FBXL17: variants seen among roughly 807,000 people sequenced by gnomAD.
FBXL17 encodes the protein F-box and leucine rich repeat protein 17, also known as F-box/LRR-repeat protein 17.
Under a neutral mutation model 66.2 loss-of-function variants are expected in FBXL17, and 22 were observed. The ratio of observed to expected loss-of-function variants is 0.33; its 90% CI spans 0.24 to 0.47. FBXL17 has a LOEUF of 0.47. Ranked by LOEUF, FBXL17 falls within the 20% of genes least tolerant of loss-of-function variation. The probability of loss-of-function intolerance (pLI) is 1.00; values close to 1 mark genes in which losing one functional copy is unlikely to be tolerated. For missense variants in FBXL17, 878 were observed against 948.2 expected, an observed-to-expected ratio of 0.93 and a Z score of 0.97; for synonymous variants, 474 against 400.5, an observed-to-expected ratio of 1.18 and a Z score of -2.19.
chr5:108,038,867 C>T (rs1044886148), intron 6 of FBXL17, among the ~76,000 whole-genome samples: 4 of 151,910 alleles, frequency 2.6e-5, no homozygotes, highest in Non-Finnish European at 5.9e-5. Flanking sequence ...CCATGATGTA[C>T]TGAAAACTGG....
chr5:108,377,948 A>C (rs902853714), intron 1 of FBXL17, among the ~76,000 whole-genome samples: 2 of 152,242 alleles, frequency 1.3e-5, no homozygotes, highest in African/African-American at 4.8e-5. Flanking sequence ...TATCTTTTAT[A>C]TAAAAGTGAT....
intron 6 of FBXL17, among the ~76,000 whole-genome samples, chr5:108,065,658 A>G (rs956826138): frequency 2.6e-5 from 4 of 152,176 alleles, no homozygotes; most frequent in East Asian, 1.9e-4. Flanking sequence ...CATCAGTCAC[A>G]TGGAGTATAC....
chr5:108,151,049 A>G (rs1338462967), intron 6 of FBXL17, among the ~76,000 whole-genome samples: 1 of 152,140 alleles, frequency 6.6e-6, no homozygotes, highest in Non-Finnish European at 1.5e-5. Context: ...TACTTAAGTA[A>G]TGGAACCATA....
In FBXL17 at chr5:108,025,727, GCACACACACA is replaced by G. The variant is rs34719664; in HGVS notation, c.1746-4736_1746-4727del. ...CAAACACACACACACACGCGCGCGC[GCACACACACA>G]CACACACACACACACACAGGCCCCA... On this transcript the variant is annotated intron_variant, in intron 6 of 8. Transcript: ENST00000542267. Among the ~76,000 whole-genome samples the G allele has an allele frequency of 8.5e-5, 12 of 141,248 alleles. No homozygotes were observed. In the East Asian group the frequency reaches 1.9e-3, roughly 22 times the overall value. 92.7% of individuals were successfully genotyped at this position (141,248 alleles called of 152,430 possible).
intron 7 of FBXL17, among the ~76,000 whole-genome samples, chr5:107,883,053 A>T (rs901717367): frequency 6.6e-6 from 1 of 152,098 alleles, no homozygotes; most frequent in Non-Finnish European, 1.5e-5. Flanking sequence ...TTAGAATGAA[A>T]CTTTTTTATT....
rs535747411 is a variant in FBXL17 at position 107,951,828 on chromosome 5, C to T, written c.1822+69097G>A. ...CAGTTTATTGCATCAAATACATTTT[C>T]ATAGATCAACAGTAGCAACAAAAAT... On this transcript the variant is annotated intron_variant, in intron 7 of 8. Transcript: ENST00000542267. Among the ~76,000 whole-genome samples, 98 of 152,292 alleles carry T rather than the reference C, an allele frequency of 6.4e-4. 2 individuals carry two copies. The South Asian group carries it at 0.02, about 31-fold the overall frequency.
intron 7 of FBXL17, among the ~76,000 whole-genome samples, chr5:107,949,147 C>T (rs1258434914): frequency 1.4e-5 from 2 of 144,458 alleles, no homozygotes; most frequent in East Asian, 2.0e-4. Context: ...GCTAAGAGCA[C>T]AGTGGCTTCC....
chr5:107,902,341 A>G (rs1414784680), intron 7 of FBXL17, among the ~76,000 whole-genome samples: 1 of 152,328 alleles, frequency 6.6e-6, no homozygotes, highest in East Asian at 1.9e-4. Flanking sequence ...CTCTGAAATG[A>G]TTTAATTTAT....
intron 6 of FBXL17, among the ~76,000 whole-genome samples, chr5:108,152,813 A>G (rs191024104): frequency 9.2e-5 from 14 of 152,360 alleles, no homozygotes; most frequent in African/African-American, 3.4e-4. Context: ...TGCATGAGAT[A>G]TACTAAAAAG....
At chr5:108,327,654 T>C (rs1285537345) in intron 4 of FBXL17, among the ~76,000 whole-genome samples, 2 of 152,154 alleles carry the variant, frequency 1.3e-5, no homozygotes, top group Non-Finnish European at 2.9e-5. Context: ...AGATTAAATA[T>C]GACTCTTCCA....
chr5:107,983,818 T>C (rs1235181156), intron 7 of FBXL17, among the ~76,000 whole-genome samples: 1 of 151,704 alleles, frequency 6.6e-6, no homozygotes, highest in Non-Finnish European at 1.5e-5. Flanking sequence ...ACATCATAAA[T>C]AGAAATGGAA....
chr5:107,960,099 C>T (rs1277892648), intron 7 of FBXL17, among the ~76,000 whole-genome samples: 1 of 152,160 alleles, frequency 6.6e-6, no homozygotes, highest in Non-Finnish European at 1.5e-5. Flanking sequence ...TATTGGTTCT[C>T]AGTTCCTTTT....
intron 4 of FBXL17, among the ~76,000 whole-genome samples, chr5:108,332,828 C>T (rs564969588): frequency 3.0e-4 from 45 of 150,748 alleles, no homozygotes; most frequent in Admixed American, 1.4e-3. Flanking sequence ...AGGCTAGTTT[C>T]GAACTCCTGA....
chr5:108,042,701 T>C (rs1453769637), intron 6 of FBXL17, among the ~76,000 whole-genome samples: 1 of 152,228 alleles, frequency 6.6e-6, no homozygotes, highest in Admixed American at 6.5e-5. Flanking sequence ...CTATTTTGAA[T>C]AAAGCTTCTA....
At chr5:108,235,749 C>G (rs1269023774) in intron 4 of FBXL17, among the ~76,000 whole-genome samples, 1 of 152,158 alleles carries the variant, frequency 6.6e-6, no homozygotes, top group Non-Finnish European at 1.5e-5. Flanking sequence ...GATGATCTTT[C>G]CATTTATCCT....
At chr5:108,257,172 G>A (rs1013441786) in intron 4 of FBXL17, among the ~76,000 whole-genome samples, 14 of 152,092 alleles carry the variant, frequency 9.2e-5, no homozygotes, top group South Asian at 6.2e-4. Flanking sequence ...TTAATGTGAC[G>A]TAATGAAAAC....
At chr5:108,236,975 G>A (rs1171644450) in intron 4 of FBXL17, among the ~76,000 whole-genome samples, 1 of 152,110 alleles carries the variant, frequency 6.6e-6, no homozygotes, top group African/African-American at 2.4e-5. Context: ...GGAGTCTGTG[G>A]AATAGTTTGG....
chr5:108,131,473 C>T (rs1478515532), intron 6 of FBXL17, among the ~76,000 whole-genome samples: 1 of 152,002 alleles, frequency 6.6e-6, no homozygotes, highest in East Asian at 1.9e-4. Flanking sequence ...CTTACATGGG[C>T]ATTATTAGTT....
chr5:108,071,902 C>G (rs1354553301), intron 6 of FBXL17, among the ~76,000 whole-genome samples: 1 of 152,096 alleles, frequency 6.6e-6, no homozygotes, highest in Non-Finnish European at 1.5e-5. Context: ...AGCACAGGAT[C>G]TCATGTGCAC....
Sources: gnomAD v4.1 joint callset for allele counts (sites outside exome capture counted in the v4.1 genomes callset) on GRCh38, gnomAD v4.1.1 for gene constraint, MANE v1.5 for transcripts, NCBI Gene and HGNC (gene_info 2026-07-23, HGNC 2026-07-21) for gene names.